The following NCKAP5 variants were observed in gnomAD, a reference collection of about 807,000 sequenced individuals.
The protein encoded by NCKAP5 is nck-associated protein 5.
In NCKAP5, 92 loss-of-function variants were observed where a neutral mutation model predicts 167.0. The observed-to-expected ratio is 0.55, with a 90% CI of 0.47 to 0.66. NCKAP5 has a LOEUF of 0.66. Ranked by LOEUF, NCKAP5 falls within the 30% of genes least tolerant of loss-of-function variation. The pLI is 0.00. For synonymous variants in NCKAP5, 891 were observed against 877.4 expected (o/e 1.02, Z -0.27); for missense variants, 2,378 against 2,315.0 (o/e 1.03, Z -0.56).
chr2:132,676,763 C>G (rs937699509), intron 19 of NCKAP5, among the ~76,000 whole-genome samples: 1 of 152,168 alleles, frequency 6.6e-6, no homozygotes, highest in Non-Finnish European at 1.5e-5. Flanking sequence ...TCTGTACAGA[C>G]ACTCTGCTAA....
intron 6 of NCKAP5, among the ~76,000 whole-genome samples, chr2:133,085,584 CT>C (rs1384646916): frequency 1.3e-5 from 2 of 152,066 alleles, no homozygotes; most frequent in African/African-American, 2.4e-5. Context: ...CTGCCAGTTC[CT>C]TTTGGTCTGG....
intron 5 of NCKAP5, among the ~76,000 whole-genome samples, chr2:133,154,713 C>T (rs2083509585): frequency 6.6e-6 from 1 of 152,122 alleles, no homozygotes; most frequent in South Asian, 2.1e-4. Context: ...AGGAGCGTCA[C>T]AATGGTAGAT....
chr2:132,770,424 G>A (rs1038377553), intron 16 of NCKAP5, among the ~76,000 whole-genome samples: 1 of 146,904 alleles, frequency 6.8e-6, no homozygotes, highest in Non-Finnish European at 1.5e-5. Context: ...TAATAATATA[G>A]TATATATATA....
chr2:133,452,469 T>C (rs6430419), intron 3 of NCKAP5, among the ~76,000 whole-genome samples: 11,295 of 152,174 alleles, frequency 0.074, 744 homozygotes, highest in East Asian at 0.25. Flanking sequence ...GCTGATAATA[T>C]GTAATGGAGA....
intron 6 of NCKAP5, among the ~76,000 whole-genome samples, chr2:132,998,911 C>T (rs1355026023): frequency 6.6e-6 from 1 of 152,098 alleles, no homozygotes; most frequent in African/African-American, 2.4e-5. Flanking sequence ...TAAACACTCA[C>T]CTTAATTCAT....
At chr2:133,125,972 CA>C (rs1331032123) in intron 6 of NCKAP5, among the ~76,000 whole-genome samples, 4 of 152,148 alleles carry the variant, frequency 2.6e-5, no homozygotes, top group African/African-American at 9.7e-5. Flanking sequence ...ACTACTCATT[CA>C]AGCATTTGTA....
At chr2:133,236,496 A>G (rs1010387590) in intron 4 of NCKAP5, among the ~76,000 whole-genome samples, 1 of 152,220 alleles carries the variant, frequency 6.6e-6, no homozygotes, top group Admixed American at 6.5e-5. Flanking sequence ...TATAAGTAAA[A>G]GGACTGTTCT....
intron 5 of NCKAP5, among the ~76,000 whole-genome samples, chr2:133,207,138 C>G (rs1042014242): frequency 2.0e-5 from 3 of 152,058 alleles, no homozygotes; most frequent in African/African-American, 7.2e-5. Flanking sequence ...TCATGCACCC[C>G]CTCCCCTTTT....
chr2:133,165,171 C>A (rs1425364639), intron 5 of NCKAP5, among the ~76,000 whole-genome samples: 1 of 152,194 alleles, frequency 6.6e-6, no homozygotes, highest in African/African-American at 2.4e-5. Flanking sequence ...TACCCCAACA[C>A]AGAATTATCT....
chr2:133,264,483 T>G (rs2089080911), intron 4 of NCKAP5, among the ~76,000 whole-genome samples: 1 of 152,200 alleles, frequency 6.6e-6, no homozygotes, highest in Non-Finnish European at 1.5e-5. Flanking sequence ...ATTTGGGTCT[T>G]GTCTTTGCTC....
At chr2:133,180,037 C>T (rs773960628) in intron 5 of NCKAP5, among the ~76,000 whole-genome samples, 1 of 152,144 alleles carries the variant, frequency 6.6e-6, no homozygotes, top group Non-Finnish European at 1.5e-5. Context: ...GACAAACCAT[C>T]GTCAAGCTTC....
chr2:133,187,654 A>G (rs569773198), intron 5 of NCKAP5, among the ~76,000 whole-genome samples: 1 of 152,212 alleles, frequency 6.6e-6, no homozygotes, highest in African/African-American at 2.4e-5. Flanking sequence ...ATACTTATGG[A>G]TTGGAAGACT....
chr2:132,685,775 G>A (rs182490451), intron 19 of NCKAP5, among the ~76,000 whole-genome samples: 1 of 152,272 alleles, frequency 6.6e-6, no homozygotes, highest in East Asian at 1.9e-4. Context: ...AGTAGAAATT[G>A]CAACTTTCCC....
chr2:132,944,237 G>A (rs1487482401), intron 8 of NCKAP5, among the ~76,000 whole-genome samples: 1 of 152,120 alleles, frequency 6.6e-6, no homozygotes, highest in Non-Finnish European at 1.5e-5. Flanking sequence ...GGATTCAATT[G>A]TTCTACATGG....
At chr2:132,969,860 G>T (rs190652618) in intron 7 of NCKAP5, among the ~76,000 whole-genome samples, 1 of 152,312 alleles carries the variant, frequency 6.6e-6, no homozygotes, top group East Asian at 1.9e-4. Flanking sequence ...ATGACAAAAT[G>T]CCCTGATGCA....
At chr2:132,787,787 C>T (rs534423886) in intron 13 of NCKAP5, among the ~76,000 whole-genome samples, 1 of 152,286 alleles carries the variant, frequency 6.6e-6, no homozygotes, top group East Asian at 1.9e-4. Flanking sequence ...CAGAAAGGAG[C>T]TGCCACAGTG....
chr2:133,144,726 C>T (rs750108396), intron 5 of NCKAP5, among the ~76,000 whole-genome samples: 11 of 152,082 alleles, frequency 7.2e-5, no homozygotes, highest in Non-Finnish European at 1.5e-4. Context: ...GAGGCACCTG[C>T]GTTGTGTTAT....
intron 11 of NCKAP5, among the ~76,000 whole-genome samples, chr2:132,823,920 A>G (rs187360315): frequency 4.2e-4 from 64 of 152,290 alleles, no homozygotes; most frequent in African/African-American, 1.5e-3. Context: ...TTAAAGCAAC[A>G]ACAGTAAAAA....
intron 8 of NCKAP5, among the ~76,000 whole-genome samples, chr2:132,944,099 G>C (rs951928749): frequency 6.6e-6 from 1 of 152,214 alleles, no homozygotes; most frequent in East Asian, 1.9e-4. Context: ...ATGGTGCAGG[G>C]ACTTGAACCG....
Sources: gnomAD v4.1 joint callset for allele counts (sites outside exome capture counted in the v4.1 genomes callset) on GRCh38, gnomAD v4.1.1 for gene constraint, MANE v1.5 for transcripts, NCBI Gene and HGNC (gene_info 2026-07-23, HGNC 2026-07-21) for gene names.